Variants in ARSB observed in about 807,000 individuals in gnomAD.
ARSB encodes N-acetylgalactosamine-4-sulfatase.
Under a neutral mutation model 50.9 loss-of-function variants are expected in ARSB, and 41 were observed. That is an observed-to-expected ratio of 0.81 (90% CI 0.63 to 1.04). The LOEUF (loss-of-function observed/expected upper bound fraction) is 1.04. ARSB is among the 50% of genes least tolerant of loss of function. The pLI is 0.00. For missense variants in ARSB, 672 were observed against 693.3 expected (o/e 0.97, Z 0.35); for synonymous variants, 269 against 284.8 (o/e 0.94, Z 0.56).
Position 78,780,368 on chromosome 5 carries a change from T to C in ARSB, c.*29A>G, listed in dbSNP as rs973645146. ...AAAAGGCCTGAGGTCCAACTTCCAA[T>C]TGAAAGGTTTTCTAGCCTCCCTGAA... is the stretch of plus-strand genomic sequence containing the variant. On this transcript the variant is annotated 3_prime_UTR_variant, in exon 8 of 8. Transcript: ENST00000264914. 10 of 1,613,012 alleles carry C rather than the reference T, an allele frequency of 6.2e-6. No individual in the cohort carries two copies. The highest frequency in any genetic ancestry group is 3.3e-5 in the South Asian group (3 of 91,038).
At chr5:78,858,891 G>C (rs1287654249) in intron 5 of ARSB, among the ~76,000 whole-genome samples, 2 of 152,092 alleles carry the variant, frequency 1.3e-5, no homozygotes, top group Admixed American at 1.3e-4. Context: ...TCCTCACATA[G>C]GTGTCTACAG....
rs146631415 is a variant in ARSB at position 78,907,532 on chromosome 5, G to A, written c.899-21705C>T. Among the ~76,000 whole-genome samples, 40 of 152,272 alleles carry A rather than the reference G, an allele frequency of 2.6e-4. No individual in the cohort carries two copies. In the East Asian group the frequency reaches 6.6e-3, roughly 25 times the overall value. On this transcript the variant is annotated intron_variant, in intron 4 of 7. Coordinates refer to ENST00000264914, the MANE Select transcript of ARSB (RefSeq NM_000046.5). ...GGTTTTGCTTGCATGCTTTAGCTGC[G>A]TTAAAGCACTCGGTAGTTTATTTTT...
chr5:78,804,455 T>TGC (rs1743496115), intron 6 of ARSB, among the ~76,000 whole-genome samples: 1 of 152,306 alleles, frequency 6.6e-6, no homozygotes, highest in African/African-American at 2.4e-5. Context: ...GGTTGAGAAC[T>TGC]GCCTACTGTT....
At chr5:78,784,711 T>C (rs1749031192) in intron 6 of ARSB, among the ~76,000 whole-genome samples, 1 of 152,202 alleles carries the variant, frequency 6.6e-6, no homozygotes, top group Admixed American at 6.5e-5. Flanking sequence ...TGTAGTAATA[T>C]TGCCTGTTTA....
At chr5:78,805,261 C>A (rs1743520056) in intron 6 of ARSB, among the ~76,000 whole-genome samples, 1 of 152,170 alleles carries the variant, frequency 6.6e-6, no homozygotes, top group Admixed American at 6.5e-5. Flanking sequence ...AGTTACTTTC[C>A]ACTTATCTGT....
At chr5:78,891,344 T>C (rs1258194623) in intron 4 of ARSB, among the ~76,000 whole-genome samples, 1 of 152,188 alleles carries the variant, frequency 6.6e-6, no homozygotes, top group Non-Finnish European at 1.5e-5. Context: ...CCCTCAAATA[T>C]CAGAATTGTT....
chr5:78,889,890 T>C (rs1053504032), intron 4 of ARSB, among the ~76,000 whole-genome samples: 1 of 152,190 alleles, frequency 6.6e-6, no homozygotes, highest in Non-Finnish European at 1.5e-5. Flanking sequence ...GGGCTTACCC[T>C]AGTCATCCTT....
chr5:78,807,749 G>C (rs188791709), intron 6 of ARSB, among the ~76,000 whole-genome samples: 2 of 152,276 alleles, frequency 1.3e-5, no homozygotes, highest in East Asian at 3.9e-4. Flanking sequence ...GCAAATCCAA[G>C]AAACGAGGGG....
chr5:78,866,300 AG>A (rs1746730236), intron 5 of ARSB, among the ~76,000 whole-genome samples: 1 of 152,212 alleles, frequency 6.6e-6, no homozygotes, highest in Admixed American at 6.5e-5. Context: ...GAGCTTGCAC[AG>A]GGAAATTTCC....
intron 4 of ARSB, among the ~76,000 whole-genome samples, chr5:78,945,749 C>T (rs193037496): frequency 1.1e-4 from 16 of 152,280 alleles, no homozygotes; most frequent in African/African-American, 3.8e-4. Context: ...AATGCAGACC[C>T]CCCTCCAGGA....
chr5:78,922,052 G>A (rs1191876951), intron 4 of ARSB, among the ~76,000 whole-genome samples: 3 of 152,162 alleles, frequency 2.0e-5, no homozygotes, highest in Non-Finnish European at 2.9e-5. Flanking sequence ...AACAATCCCA[G>A]TGGTTGGAAT....
At chr5:78,934,740 G>C (rs1166459122) in intron 4 of ARSB, among the ~76,000 whole-genome samples, 1 of 152,088 alleles carries the variant, frequency 6.6e-6, no homozygotes, top group Non-Finnish European at 1.5e-5. Flanking sequence ...AGGTTGCAAT[G>C]AGCTGAGATC....
At chr5:78,855,774 G>A (rs2112074834) in intron 5 of ARSB, among the ~76,000 whole-genome samples, 1 of 152,248 alleles carries the variant, frequency 6.6e-6, no homozygotes, top group African/African-American at 2.4e-5. Flanking sequence ...TGTTGATGGG[G>A]CTGCTGGGAT....
chr5:78,919,837 G>A (rs947338670), intron 4 of ARSB, among the ~76,000 whole-genome samples: 4 of 152,084 alleles, frequency 2.6e-5, no homozygotes, highest in Non-Finnish European at 2.9e-5. Context: ...GAAGTAAAGC[G>A]TTCACTTACC....
intron 3 of ARSB, among the ~76,000 whole-genome samples, chr5:78,963,116 A>G (rs1349368391): frequency 6.6e-6 from 1 of 152,192 alleles, no homozygotes; most frequent in Non-Finnish European, 1.5e-5. Context: ...CTTTGCAGTT[A>G]TAAGTTCTCA....
At chr5:78,973,510 C>A (rs1239559055) in intron 1 of ARSB, among the ~76,000 whole-genome samples, 1 of 152,138 alleles carries the variant, frequency 6.6e-6, no homozygotes, top group African/African-American at 2.4e-5. Context: ...TTTATTTGGT[C>A]CAGTGTGTTA....
intron 6 of ARSB, among the ~76,000 whole-genome samples, chr5:78,787,091 C>CATCTATCTATCTATCTATCTATCTATCT (rs143701672): frequency 2.3e-5 from 3 of 127,954 alleles, no homozygotes; most frequent in Admixed American, 7.6e-5. Flanking sequence ...AATCGATAAC[C>CATCTATCTATCTATCTATCTATCTATCT]ATCTATCTAT....
At chr5:78,980,744 G>GTGTGTA (rs1554089422) in intron 1 of ARSB, among the ~76,000 whole-genome samples, 15 of 151,616 alleles carry the variant, frequency 9.9e-5, no homozygotes, top group South Asian at 4.2e-4. Context: ...ATGTGTGTGT[G>GTGTGTA]TGTGTGTGTG....
chr5:78,812,731 G>T (rs1743861697), intron 6 of ARSB, among the ~76,000 whole-genome samples: 1 of 152,132 alleles, frequency 6.6e-6, no homozygotes, highest in Non-Finnish European at 1.5e-5. Flanking sequence ...GGTGGCTCAT[G>T]CCTGTAATCC....
Sources: allele counts gnomAD v4.1 joint callset (sites outside exome capture counted in the v4.1 genomes callset), GRCh38; gene constraint gnomAD v4.1.1; transcripts MANE v1.5; gene names NCBI Gene and HGNC (gene_info 2026-07-23, HGNC 2026-07-21).